SLC25A51: variants seen among roughly 807,000 people sequenced by gnomAD.
SLC25A51 encodes the protein mitochondrial nicotinamide adenine dinucleotide transporter SLC25A51.
Under a neutral mutation model 19.1 loss-of-function variants are expected in SLC25A51, and 11 were observed. The ratio of observed to expected loss-of-function variants is 0.58; its 90% CI spans 0.36 to 0.96. The LOEUF (loss-of-function observed/expected upper bound fraction) is 0.96. SLC25A51 is among the 40% of genes least tolerant of loss of function. The pLI is 0.01. For missense variants in SLC25A51, 201 were observed against 365.4 expected, an observed-to-expected ratio of 0.55 and a Z score of 3.67; for synonymous variants, 105 against 133.6, an observed-to-expected ratio of 0.79 and a Z score of 1.47.
At position 37,888,496 on chromosome 9, in the gene SLC25A51, G is replaced by A. The variant is rs1436661707; in HGVS notation, c.55C>T (p.Gln19Ter). ...TTTGTAATATGAGGTGATATATCTT[G>A]TTTTGAAGATGTTAGTATTGGTGGC... is the stretch of plus-strand genomic sequence containing the variant. Reference protein sequence around the residue: ...KRPPILTSSKQDISPHITNVG... With the variant: ...KRPPILTSSK The change falls in exon 3 of 3, where the codon CAA becomes TAA. Residue 19 changes from glutamine to a stop codon, truncating the protein, a stop_gained. Transcript: ENST00000242275. LOFTEE classifies it high-confidence loss of function. The A allele has an allele frequency of 1.9e-6, 3 of 1,614,116 alleles. No individual in the cohort carries two copies. Among genetic ancestry groups the A allele is most frequent in the Non-Finnish European group, 2.5e-6 (3 of 1,179,982 alleles).
downstream of SLC25A51, among the ~76,000 whole-genome samples, chr9:37,885,342 T>TA (rs60095173): frequency 0.21 from 21,114 of 98,678 alleles, 3,128 homozygotes; most frequent in East Asian, 0.57. Context: ...TAGGTAATGA[T>TA]AAAAAAAAAA....
chr9:37,885,342 TAA>T (rs60095173), downstream of SLC25A51, among the ~76,000 whole-genome samples: 20,155 of 99,426 alleles, frequency 0.2, 1,728 homozygotes, highest in South Asian at 0.34. Flanking sequence ...TAGGTAATGA[TAA>T]AAAAAAAAAA....
chr9:37,888,671 T>C (rs1255539455), intron 2 of SLC25A51, 79 bp from the exon 3 acceptor site: 4 of 1,125,418 alleles, frequency 3.6e-6, no homozygotes, highest in Non-Finnish European at 5.0e-6. Context: ...ATCCATCCTC[T>C]AATATCTGGA....
At chr9:37,898,408 AGC>A (rs1442325385) in intron 2 of SLC25A51, among the ~76,000 whole-genome samples, 2 of 152,222 alleles carry the variant, frequency 1.3e-5, no homozygotes, top group African/African-American at 4.8e-5. Flanking sequence ...ATACAAAATT[AGC>A]CAGGCGTGGT....
At chr9:37,886,655 T>C (rs1831463368), downstream of SLC25A51, among the ~76,000 whole-genome samples, 2 of 152,160 alleles carry the variant, frequency 1.3e-5, no homozygotes, top group Admixed American at 6.5e-5. Context: ...CAAGCTTGGG[T>C]CAGTGTGTTA....
chr9:37,890,902 T>G (rs1157020923), intron 2 of SLC25A51, among the ~76,000 whole-genome samples: 1 of 152,202 alleles, frequency 6.6e-6, no homozygotes, highest in Non-Finnish European at 1.5e-5. Flanking sequence ...GTCTTTCACT[T>G]GGAACAAAAA....
chr9:37,890,520 A>G (rs1361053583), intron 2 of SLC25A51, among the ~76,000 whole-genome samples: 2 of 152,228 alleles, frequency 1.3e-5, no homozygotes, highest in Admixed American at 6.5e-5. Flanking sequence ...CCTGGGCAAC[A>G]TAGTGAGACT....
intron 2 of SLC25A51, among the ~76,000 whole-genome samples, chr9:37,891,688 A>G (rs1031937310): frequency 6.6e-6 from 1 of 152,084 alleles, no homozygotes; most frequent in African/African-American, 2.4e-5. Flanking sequence ...ACCACTCCCT[A>G]ATCGCAAGTT....
intron 2 of SLC25A51, among the ~76,000 whole-genome samples, chr9:37,893,842 CAGAG>C (rs1181436286): frequency 1.3e-5 from 2 of 152,192 alleles, no homozygotes; most frequent in Non-Finnish European, 2.9e-5. Context: ...ATTAAACACA[CAGAG>C]AGCCTCTCCT....
chr9:37,879,056 C>A, downstream of SLC25A51: 1 of 350,466 alleles, frequency 2.9e-6, no homozygotes, highest in Non-Finnish European at 5.7e-6. Flanking sequence ...ATGGGTTCTA[C>A]TTCTGATCTT....
At chr9:37,885,119 A>G, downstream of SLC25A51, among the ~76,000 whole-genome samples, 1 of 152,014 alleles carries the variant, frequency 6.6e-6, no homozygotes, top group East Asian at 1.9e-4. Context: ...GCTGCTCCTG[A>G]GGGCAGAGAA....
chr9:37,883,033 TG>T (rs950909213), downstream of SLC25A51, among the ~76,000 whole-genome samples: 2 of 152,138 alleles, frequency 1.3e-5, no homozygotes, highest in Non-Finnish European at 2.9e-5. Context: ...TTAGTAGAGA[TG>T]GGGTTTCGCC....
chr9:37,902,374 C>T (rs1385708915), intron 1 of SLC25A51, among the ~76,000 whole-genome samples: 3 of 152,170 alleles, frequency 2.0e-5, no homozygotes, highest in Non-Finnish European at 4.4e-5. Context: ...AAGAACATTA[C>T]TGTACATTGA....
intron 2 of SLC25A51, among the ~76,000 whole-genome samples, chr9:37,890,755 T>G (rs563579740): frequency 1.3e-5 from 2 of 151,326 alleles, no homozygotes; most frequent in African/African-American, 4.9e-5. Context: ...ACCAAAACAA[T>G]TGAAAGCGCA....
chr9:37,885,833 C>T (rs1472209829), downstream of SLC25A51: 9 of 1,605,360 alleles, frequency 5.6e-6, no homozygotes, highest in Admixed American at 1.0e-4. Flanking sequence ...TTCGCATGGG[C>T]CTACTTTACA....
chr9:37,883,296 A>G (rs983672751), downstream of SLC25A51, among the ~76,000 whole-genome samples: 2 of 152,266 alleles, frequency 1.3e-5, no homozygotes, highest in African/African-American at 4.8e-5. Context: ...AGAAGTCTAT[A>G]GGACAACACA....
At chr9:37,898,754 AT>A (rs761878751) in intron 2 of SLC25A51, among the ~76,000 whole-genome samples, 4 of 152,144 alleles carry the variant, frequency 2.6e-5, no homozygotes, top group Non-Finnish European at 5.9e-5. Context: ...AATGAATTTC[AT>A]TTTTCTAGTC....
chr9:37,902,808 C>T (rs1029624546), intron 1 of SLC25A51, among the ~76,000 whole-genome samples: 1 of 152,150 alleles, frequency 6.6e-6, no homozygotes, highest in African/African-American at 2.4e-5. Context: ...AGTCTAAAAC[C>T]TTATTATAAT....
At chr9:37,882,351 C>T (rs889347875) in intron 2 of SLC25A51, among the ~76,000 whole-genome samples, 1 of 152,204 alleles carries the variant, frequency 6.6e-6, no homozygotes, top group Admixed American at 6.5e-5. Context: ...TGGCTTCACT[C>T]GAAGCCCTCT....
Sources: gnomAD v4.1 joint callset for allele counts (sites outside exome capture counted in the v4.1 genomes callset) on GRCh38, gnomAD v4.1.1 for gene constraint, MANE v1.5 for transcripts, NCBI Gene and HGNC (gene_info 2026-07-23, HGNC 2026-07-21) for gene names.